The following SLC36A1 variants were observed in gnomAD, a reference collection of about 807,000 sequenced individuals.
SLC36A1 encodes proton-coupled amino acid transporter 1.
SLC36A1 carries 30 observed loss-of-function variants against 47.5 expected under a neutral mutation model. That is an observed-to-expected ratio of 0.63 (90% CI 0.47 to 0.86). The LOEUF is 0.86. SLC36A1 is among the 40% of genes least tolerant of loss of function. The pLI, the probability that SLC36A1 is intolerant of heterozygous loss-of-function variation, is 0.00. For missense variants in SLC36A1, 517 were observed against 606.0 expected (o/e 0.85, Z 1.54); for synonymous variants, 255 against 249.7 (o/e 1.02, Z -0.20).
chr5:151,523,222 T>C, the SLC36A1 span, among the ~76,000 whole-genome samples: 1 of 152,176 alleles, frequency 6.6e-6, no homozygotes, highest in Non-Finnish European at 1.5e-5. Flanking sequence ...TAATTAACAC[T>C]ACTGTTAATT....
At chr5:151,537,277 T>A in the SLC36A1 span, among the ~76,000 whole-genome samples, 12,404 of 132,746 alleles carry the variant, frequency 0.093, 814 homozygotes, top group East Asian at 0.24. Context: ...ATGGTGGTGG[T>A]GGAGGAGGAG....
the SLC36A1 span, among the ~76,000 whole-genome samples, chr5:151,421,881 C>T: frequency 6.6e-5 from 10 of 152,284 alleles, no homozygotes; most frequent in Admixed American, 3.9e-4. Flanking sequence ...TGAGCCACCG[C>T]GCCCGGCTGT....
chr5:151,358,501 T>A, the SLC36A1 span, among the ~76,000 whole-genome samples: 1 of 152,194 alleles, frequency 6.6e-6, no homozygotes, highest in Non-Finnish European at 1.5e-5. Context: ...GGCCTCCTCC[T>A]GCCTCAGCCT....
At chr5:151,361,401 T>C in the SLC36A1 span, among the ~76,000 whole-genome samples, 1 of 152,246 alleles carries the variant, frequency 6.6e-6, no homozygotes, top group African/African-American at 2.4e-5. Context: ...TTAAAAATAA[T>C]ATATTTCTTA....
intron 1 of SLC36A1, among the ~76,000 whole-genome samples, chr5:151,451,331 A>T (rs766888382): frequency 2.2e-4 from 34 of 152,054 alleles, no homozygotes; most frequent in Non-Finnish European, 4.3e-4. Context: ...GGGATTACAG[A>T]TGTGAGCCAC....
chr5:151,550,928 G>C, the SLC36A1 span: 1 of 1,549,186 alleles, frequency 6.5e-7, no homozygotes, highest in Non-Finnish European at 8.8e-7. Flanking sequence ...ACAGGGACTG[G>C]GTCTGTCTGG....
At chr5:151,426,875 A>T in the SLC36A1 span, among the ~76,000 whole-genome samples, 1 of 152,224 alleles carries the variant, frequency 6.6e-6, no homozygotes, top group East Asian at 1.9e-4. Flanking sequence ...GGTACTCGAG[A>T]CTGGAGAATG....
chr5:151,516,338 C>T, the SLC36A1 span, among the ~76,000 whole-genome samples: 58 of 152,168 alleles, frequency 3.8e-4, no homozygotes, highest in African/African-American at 1.3e-3. Flanking sequence ...GGTGAAACCT[C>T]GTCTCTGCTA....
the SLC36A1 span, chr5:151,538,094 C>A: frequency 1.7e-6 from 1 of 590,858 alleles, no homozygotes; most frequent in Non-Finnish European, 2.9e-6. Flanking sequence ...AGAACAGAGA[C>A]AGAGAGAGAG....
the SLC36A1 span, chr5:151,507,096 T>C: frequency 6.8e-7 from 1 of 1,464,800 alleles, no homozygotes; most frequent in African/African-American, 1.4e-5. Flanking sequence ...ACGGAGTGTT[T>C]AGAACCACCA....
intron 1 of SLC36A1, among the ~76,000 whole-genome samples, chr5:151,454,453 G>A (rs966039032): frequency 8.5e-5 from 13 of 152,106 alleles, no homozygotes; most frequent in Admixed American, 2.0e-4. Context: ...AGAACTCCGG[G>A]GAGTGGCTCT....
At chr5:151,393,094 G>C in the SLC36A1 span, among the ~76,000 whole-genome samples, 1 of 151,304 alleles carries the variant, frequency 6.6e-6, no homozygotes, top group South Asian at 2.1e-4. Context: ...TCCTGTATTG[G>C]GTGCATATGT....
the SLC36A1 span, among the ~76,000 whole-genome samples, chr5:151,369,876 C>A: frequency 6.6e-6 from 1 of 152,224 alleles, no homozygotes; most frequent in African/African-American, 2.4e-5. Flanking sequence ...CTCACTGCAA[C>A]CTCCGCCTCC....
the SLC36A1 span, among the ~76,000 whole-genome samples, chr5:151,547,702 A>G: frequency 6.7e-4 from 102 of 152,336 alleles, 2 homozygotes; most frequent in African/African-American, 2.3e-3. Flanking sequence ...AAAAGCAGCT[A>G]AGTCAACAAC....
the SLC36A1 span, among the ~76,000 whole-genome samples, chr5:151,523,591 G>A: frequency 2.6e-5 from 4 of 152,182 alleles, no homozygotes; most frequent in Non-Finnish European, 5.9e-5. Flanking sequence ...GCAATTGATG[G>A]TGATGATGCC....
chr5:151,519,586 G>A, the SLC36A1 span, among the ~76,000 whole-genome samples: 87,705 of 151,860 alleles, frequency 0.58, 25,749 homozygotes, highest in East Asian at 0.83. Context: ...ACCATCATGG[G>A]TGTAACAACT....
At chr5:151,487,584 G>A (rs1238524689) in intron 10 of SLC36A1, among the ~76,000 whole-genome samples, 3 of 152,182 alleles carry the variant, frequency 2.0e-5, no homozygotes, top group Non-Finnish European at 2.9e-5. Context: ...GAGGCTCCCT[G>A]AGTGGTAAGA....
chr5:151,473,745 A>T lies in SLC36A1; in HGVS notation c.796A>T (p.Ile266Phe). ...CTACCCTCTCTTCTTTGGCACAGCG[A>T]TTTTTTCATTTGAAGGCATTGGAAT... ...KTYPLFFGTA[I>F]FSFEGIGMVL... The change falls in exon 8 of 11, where the codon ATT (isoleucine) becomes TTT (phenylalanine). Residue 266 changes from isoleucine (I) to phenylalanine (F), a missense_variant. By Grantham distance (21) the Ile-to-Phe change is conservative (BLOSUM62 0). Transcript: ENST00000243389. 1 of 1,613,702 alleles carries T rather than the reference A, an allele frequency of 6.2e-7. No homozygotes were observed.
upstream of SLC36A1, among the ~76,000 whole-genome samples, chr5:151,445,986 T>C (rs1224771609): frequency 6.6e-6 from 1 of 152,114 alleles, no homozygotes; most frequent in Non-Finnish European, 1.5e-5. Flanking sequence ...ATTTCTGTTC[T>C]GCTCTTTCTT....
Sources: allele counts gnomAD v4.1 joint callset (sites outside exome capture counted in the v4.1 genomes callset), GRCh38; gene constraint gnomAD v4.1.1; transcripts MANE v1.5; gene names NCBI Gene and HGNC (gene_info 2026-07-23, HGNC 2026-07-21).